The following SVOP variants were observed in gnomAD, a reference collection of about 807,000 sequenced individuals.
SVOP encodes synaptic vesicle 2-related protein.
A neutral mutation model predicts 69.1 loss-of-function variants in SVOP; 17 were observed. That is an observed-to-expected ratio of 0.25 (90% confidence interval 0.17 to 0.37). The LOEUF (loss-of-function observed/expected upper bound fraction) is 0.37. Among genes scored for constraint, SVOP ranks in the 10% least tolerant of loss-of-function variants. SVOP has a pLI of 1.00. For missense variants in SVOP, 435 were observed against 597.5 expected (o/e 0.73, Z 2.84); for synonymous variants, 238 against 238.6 (o/e 1.00, Z 0.02).
At chr12:108,938,698 C>T (rs145474045) in intron 9 of SVOP, 129 bp downstream of exon 9, 88 of 1,467,842 alleles carry the variant, frequency 6.0e-5, no homozygotes, top group East Asian at 5.3e-4. Context: ...TCCATGTGCA[C>T]GCACACACCC....
Position 108,908,211 on chromosome 12 carries a change from G to A in SVOP, c.*4324C>T, listed in dbSNP as rs972042828. 6.6e-6 allele frequency: 1 copy of A among 152,256 alleles called. No individual in the cohort carries two copies. The highest frequency in any genetic ancestry group is 1.5e-5 in the Non-Finnish European group (1 of 68,084). 9.4% of individuals were successfully genotyped at this position (152,256 alleles called of 1,614,324 possible). ...CTAGACTCATTTCTGCCAGAAAAGG[G>A]AAGAAACAAGAGCCACAGATTCAGA... On this transcript the variant is annotated 3_prime_UTR_variant, in exon 16 of 16. Coordinates refer to ENST00000610966, the MANE Select transcript of SVOP (RefSeq NM_018711.5).
intron 6 of SVOP, among the ~76,000 whole-genome samples, chr12:108,955,870 G>A (rs2039982624): frequency 6.6e-6 from 1 of 152,192 alleles, no homozygotes; most frequent in South Asian, 2.1e-4. Context: ...GGATGTTGTT[G>A]TTCCATTTTA....
intron 15 of SVOP, among the ~76,000 whole-genome samples, chr12:108,915,105 G>A (rs989265438): frequency 6.6e-6 from 1 of 150,866 alleles, no homozygotes; most frequent in African/African-American, 2.4e-5. Context: ...CCTGGGAGGC[G>A]GAGGTCACAG....
chr12:108,957,883 A>C (rs191001051), intron 6 of SVOP, among the ~76,000 whole-genome samples: 146 of 152,190 alleles, frequency 9.6e-4, no homozygotes, highest in African/African-American at 3.4e-3. Flanking sequence ...TCTGCAAGGA[A>C]CTCAACTGTG....
At chr12:108,976,143 G>T (rs966853582) in intron 4 of SVOP, among the ~76,000 whole-genome samples, 1 of 152,092 alleles carries the variant, frequency 6.6e-6, no homozygotes, top group African/African-American at 2.4e-5. Flanking sequence ...CCATTTCGCA[G>T]GCCACAAAAT....
At chr12:108,923,200 T>C (rs7962102) in intron 11 of SVOP, among the ~76,000 whole-genome samples, 43,592 of 152,034 alleles carry the variant, frequency 0.29, 7,840 homozygotes, top group South Asian at 0.5. Flanking sequence ...ATGGGGCCTG[T>C]GACTTGCTTC....
chr12:108,995,113 C>G (rs185450499), intron 1 of SVOP, among the ~76,000 whole-genome samples: 8 of 151,846 alleles, frequency 5.3e-5, no homozygotes, highest in Non-Finnish European at 1.2e-4. Context: ...CCACAGCATT[C>G]CAGCCTGGGC....
chr12:108,974,097 A>G (rs1471891040), intron 4 of SVOP, among the ~76,000 whole-genome samples: 1 of 152,222 alleles, frequency 6.6e-6, no homozygotes, highest in Non-Finnish European at 1.5e-5. Context: ...TAGTTTATTG[A>G]GTTCTAACAA....
chr12:108,938,755 C>T, intron 9 of SVOP, 72 bp downstream of exon 9: 9 of 1,604,368 alleles, frequency 5.6e-6, no homozygotes, highest in Non-Finnish European at 7.7e-6. Context: ...GCATGCCCTA[C>T]TCCATATGCA....
At chr12:108,915,612 C>T (rs747535389) in intron 15 of SVOP, among the ~76,000 whole-genome samples, 171 bp downstream of exon 15, 8 of 152,200 alleles carry the variant, frequency 5.3e-5, no homozygotes, top group Non-Finnish European at 4.4e-5. Flanking sequence ...AGCCCCTGAG[C>T]CTCTGTTTTC....
chr12:108,973,296 C>T (rs2040089237), intron 4 of SVOP, among the ~76,000 whole-genome samples: 1 of 152,178 alleles, frequency 6.6e-6, no homozygotes, highest in African/African-American at 2.4e-5. Flanking sequence ...ACCCAAAAAG[C>T]ATTTCTTGTG....
chr12:108,963,939 G>A (rs1198007644), intron 5 of SVOP, among the ~76,000 whole-genome samples: 1 of 152,152 alleles, frequency 6.6e-6, no homozygotes, highest in East Asian at 1.9e-4. Context: ...TCCTACTTAA[G>A]GCAATTGTTA....
chr12:108,960,875 C>A, intron 6 of SVOP, 48 bp downstream of exon 6: 1 of 1,528,784 alleles, frequency 6.5e-7, no homozygotes, highest in Non-Finnish European at 8.8e-7. Context: ...TGAACAGACA[C>A]GTGGATGGGC....
At chr12:108,941,657 C>T (rs370285392) in intron 7 of SVOP, among the ~76,000 whole-genome samples, 1 of 151,524 alleles carries the variant, frequency 6.6e-6, no homozygotes, top group Non-Finnish European at 1.5e-5. Context: ...AAAGTCTGTG[C>T]CCATTTTTTT....
intron 11 of SVOP, among the ~76,000 whole-genome samples, chr12:108,929,421 C>T (rs1197680826): frequency 6.6e-6 from 1 of 152,050 alleles, no homozygotes; most frequent in Non-Finnish European, 1.5e-5. Context: ...TCCCCAGGCC[C>T]AGACAATCCT....
rs1266131566 is a variant in SVOP at position 109,020,904 on chromosome 12, C to G, written c.-36G>C. Reference sequence around the variant, plus strand: ...CGCCAGGATGAGCCCTTCTCATGGCCCTTACATGGTAGTGGTGGATGACGA... The same window carrying G: ...CGCCAGGATGAGCCCTTCTCATGGCGCTTACATGGTAGTGGTGGATGACGA... On this transcript the variant is annotated 5_prime_UTR_variant, in exon 1 of 16. Coordinates refer to ENST00000610966, the MANE Select transcript of SVOP (RefSeq NM_018711.5). The G allele has an allele frequency of 2.8e-6, 2 of 716,928 alleles. No homozygotes were observed. The highest frequency in any genetic ancestry group is 5.2e-6 in the Non-Finnish European group (2 of 384,522). The allele number at this position is 716,928 out of a possible 1,614,324, so 44.4% of individuals were successfully genotyped here.
intron 1 of SVOP, among the ~76,000 whole-genome samples, chr12:109,003,816 C>G (rs2040288865): frequency 6.6e-6 from 1 of 152,144 alleles, no homozygotes; most frequent in Non-Finnish European, 1.5e-5. Context: ...CTATGTTGCC[C>G]AGGCTGGTCT....
chr12:108,945,229 G>A (rs1021782845), intron 6 of SVOP, 63 bp from the exon 7 acceptor site: 5 of 1,483,826 alleles, frequency 3.4e-6, no homozygotes, highest in African/African-American at 2.8e-5. Flanking sequence ...AATGGCTACC[G>A]TTTTCTGAAT....
intron 11 of SVOP, among the ~76,000 whole-genome samples, chr12:108,933,986 G>T (rs1269057943): frequency 1.3e-5 from 2 of 152,176 alleles, no homozygotes; most frequent in Non-Finnish European, 2.9e-5. Context: ...GAACTTCAGA[G>T]CCCAAACCCT....
Sources: allele counts gnomAD v4.1 joint callset (sites outside exome capture counted in the v4.1 genomes callset), GRCh38; gene constraint gnomAD v4.1.1; transcripts MANE v1.5; gene names NCBI Gene and HGNC (gene_info 2026-07-23, HGNC 2026-07-21).